ITGAV: variants seen among roughly 807,000 people sequenced by gnomAD.
ITGAV encodes integrin subunit alpha V.
ITGAV carries 76 observed loss-of-function variants against 143.8 expected under a neutral mutation model. The ratio of observed to expected loss-of-function variants is 0.53; its 90% CI spans 0.44 to 0.64. The LOEUF is 0.64. Ranked by LOEUF, ITGAV falls within the 30% of genes least tolerant of loss-of-function variation. The pLI is 0.00. For missense variants in ITGAV, 1,193 were observed against 1,274.7 expected, an observed-to-expected ratio of 0.94 and a Z score of 0.98; for synonymous variants, 453 against 446.7, an observed-to-expected ratio of 1.01 and a Z score of -0.18.
At chr2:186,630,700 C>A in intron 4 of ITGAV, 97 bp from the exon 5 acceptor site, 1 of 685,734 alleles carries the variant, frequency 1.5e-6, no homozygotes, top group Admixed American at 2.2e-5. Context: ...AAAATTGGTA[C>A]ATTATCTTAT....
At chr2:186,594,406 C>T (rs2105644606) in intron 1 of ITGAV, among the ~76,000 whole-genome samples, 1 of 152,300 alleles carries the variant, frequency 6.6e-6, no homozygotes, top group South Asian at 2.1e-4. Flanking sequence ...GATTAGTCAA[C>T]AGGCAGAAGC....
At chr2:186,625,328 CGT>C in intron 3 of ITGAV, 143 bp from the exon 4 acceptor site, 2 of 608,588 alleles carry the variant, frequency 3.3e-6, no homozygotes, top group Non-Finnish European at 5.9e-6. Flanking sequence ...GCCATGATCA[CGT>C]CACTGCACTC....
chr2:186,621,082 GT>G (rs1687507064), intron 2 of ITGAV, among the ~76,000 whole-genome samples: 1 of 152,070 alleles, frequency 6.6e-6, no homozygotes, highest in South Asian at 2.1e-4. Flanking sequence ...GTTTTGGTTT[GT>G]TTTGTAATGA....
Position 186,669,687 on chromosome 2 carries a change from T to C in ITGAV, c.2593-14T>C. 1 of 1,562,730 alleles carries C rather than the reference T, an allele frequency of 6.4e-7. No homozygotes were observed. Among genetic ancestry groups the C allele is most frequent in the Non-Finnish European group, 8.8e-7 (1 of 1,139,968 alleles). ...TTATCATTTACCACCATTTTATTAA[T>C]GTGATTGCATTAGATCTCATCTTTG... On this transcript the variant is annotated splice_polypyrimidine_tract_variant and intron_variant, in intron 25 of 29. Coordinates refer to ENST00000261023, the MANE Select transcript of ITGAV (RefSeq NM_002210.5).
chr2:186,623,516 T>C (rs1687591625), intron 3 of ITGAV, among the ~76,000 whole-genome samples: 1 of 152,144 alleles, frequency 6.6e-6, no homozygotes, highest in African/African-American at 2.4e-5. Context: ...TAGCTTCCTT[T>C]GCTTCCTCTA....
chr2:186,651,881 A>G (rs953239033), intron 14 of ITGAV, 101 bp from the exon 15 acceptor site: 18 of 623,144 alleles, frequency 2.9e-5, no homozygotes, highest in Non-Finnish European at 4.9e-5. Flanking sequence ...CTTTTAGTAG[A>G]CATGGTACTA....
At chr2:186,658,455 T>C (rs1389766246) in intron 17 of ITGAV, among the ~76,000 whole-genome samples, 1 of 152,160 alleles carries the variant, frequency 6.6e-6, no homozygotes, top group Non-Finnish European at 1.5e-5. Flanking sequence ...CTGACAAATA[T>C]ACTTGTCACT....
At chr2:186,646,016 T>G (rs1688247400) in intron 12 of ITGAV, among the ~76,000 whole-genome samples, 1 of 151,906 alleles carries the variant, frequency 6.6e-6, no homozygotes, top group African/African-American at 2.4e-5. Flanking sequence ...GCTGTTTAAG[T>G]GCAAAATGCG....
At chr2:186,617,778 C>CT (rs1687407730) in intron 2 of ITGAV, among the ~76,000 whole-genome samples, 1 of 151,178 alleles carries the variant, frequency 6.6e-6, no homozygotes, top group African/African-American at 2.4e-5. Context: ...CTCTTTTTTT[C>CT]TTTTTTATTT....
At chr2:186,622,872 C>G (rs2105686699) in intron 3 of ITGAV, among the ~76,000 whole-genome samples, 1 of 152,262 alleles carries the variant, frequency 6.6e-6, no homozygotes, top group South Asian at 2.1e-4. Context: ...AAGCAATTCT[C>G]CTGCTGCAGC....
intron 2 of ITGAV, among the ~76,000 whole-genome samples, chr2:186,613,278 A>G (rs1480406870): frequency 6.6e-6 from 1 of 152,078 alleles, no homozygotes; most frequent in African/African-American, 2.4e-5. Context: ...TATTTTCAAA[A>G]GGCCTGTATT....
At position 186,625,536 on chromosome 2, in the gene ITGAV, T is replaced by TGCTTTCTTCAAGATGGAACAA. The variant is rs766143087; in HGVS notation, c.473_493dup (p.Thr164_Lys165insSerPheLeuGlnAspGlyThr). 3 of 1,614,012 alleles carry TGCTTTCTTCAAGATGGAACAA rather than the reference T, an allele frequency of 1.9e-6. No individual in the cohort carries two copies. The highest frequency in any genetic ancestry group is 2.5e-6 in the Non-Finnish European group (3 of 1,179,954). On this transcript the variant is annotated inframe_insertion, in exon 4 of 30. Transcript: ENST00000261023. ...ACAGGAGCGAGAGCCTGTTGGAACA[T>TGCTTTCTTCAAGATGGAACAA]GCTTTCTTCAAGATGGAACAAAGAC...
chr2:186,609,953 T>A (rs1220665403), intron 2 of ITGAV, among the ~76,000 whole-genome samples: 3 of 152,090 alleles, frequency 2.0e-5, no homozygotes, highest in African/African-American at 7.2e-5. Context: ...AATTTACCAT[T>A]AAATCTTAAT....
intron 5 of ITGAV, among the ~76,000 whole-genome samples, chr2:186,631,438 A>T (rs1687812030): frequency 6.6e-6 from 1 of 152,130 alleles, no homozygotes; most frequent in South Asian, 2.1e-4. Context: ...TGAAAATAAG[A>T]CTTCCATTTA....
chr2:186,601,473 AT>A (rs894540316), intron 1 of ITGAV, among the ~76,000 whole-genome samples: 7 of 151,714 alleles, frequency 4.6e-5, no homozygotes, highest in Non-Finnish European at 7.4e-5. Context: ...AAAAAAAAAA[AT>A]AGAATAAAAT....
At chr2:186,616,722 T>G (rs773068737) in intron 2 of ITGAV, among the ~76,000 whole-genome samples, 20 of 152,266 alleles carry the variant, frequency 1.3e-4, no homozygotes, top group Non-Finnish European at 2.6e-4. Context: ...TATATTACTT[T>G]TCTCCTTGAA....
At chr2:186,634,110 G>T (rs1687892011) in intron 6 of ITGAV, among the ~76,000 whole-genome samples, 1 of 152,040 alleles carries the variant, frequency 6.6e-6, no homozygotes, top group Non-Finnish European at 1.5e-5. Context: ...ATATAAAGAT[G>T]CATTATTATA....
chr2:186,598,538 A>C (rs1013005220), intron 1 of ITGAV, among the ~76,000 whole-genome samples: 2 of 151,474 alleles, frequency 1.3e-5, no homozygotes, highest in Admixed American at 6.6e-5. Flanking sequence ...CCCAGGTTCA[A>C]GTGATTCTCC....
chr2:186,659,239 A>G, intron 18 of ITGAV, 64 bp downstream of exon 18: 2 of 1,155,320 alleles, frequency 1.7e-6, no homozygotes, highest in Non-Finnish European at 2.3e-6. Flanking sequence ...TCATATTTTT[A>G]AATATTAGAG....
Sources: gnomAD v4.1 joint callset for allele counts (sites outside exome capture counted in the v4.1 genomes callset) on GRCh38, gnomAD v4.1.1 for gene constraint, MANE v1.5 for transcripts, NCBI Gene and HGNC (gene_info 2026-07-23, HGNC 2026-07-21) for gene names.